FBXO11: variants seen among roughly 807,000 people sequenced by gnomAD.
FBXO11 encodes F-box only protein 11.
A neutral mutation model predicts 117.0 loss-of-function variants in FBXO11; 13 were observed. The observed-to-expected ratio is 0.11, with a 90% CI of 0.07 to 0.18. The LOEUF (loss-of-function observed/expected upper bound fraction) is 0.18. Among genes scored for constraint, FBXO11 ranks in the 10% least tolerant of loss-of-function variants. The pLI, the probability that FBXO11 is intolerant of heterozygous loss-of-function variation, is 1.00. For missense variants in FBXO11, 767 were observed against 1,164.4 expected, an observed-to-expected ratio of 0.66 and a Z score of 4.97; for synonymous variants, 490 against 380.5, an observed-to-expected ratio of 1.29 and a Z score of -3.35.
At chr2:47,854,256 C>CTTT (rs772726905) in intron 1 of FBXO11, among the ~76,000 whole-genome samples, 1 of 142,982 alleles carries the variant, frequency 7.0e-6, no homozygotes, top group East Asian at 2.0e-4. Context: ...GTCCCCAGGA[C>CTTT]TTTTTTTTTT....
At chr2:47,873,245 A>G (rs377148799) in intron 1 of FBXO11, among the ~76,000 whole-genome samples, 1 of 152,176 alleles carries the variant, frequency 6.6e-6, no homozygotes, top group Non-Finnish European at 1.5e-5. Context: ...TTTAATCAAC[A>G]TTTTAGGTTT....
At chr2:47,868,307 G>C (rs1675353815) in intron 1 of FBXO11, among the ~76,000 whole-genome samples, 1 of 150,506 alleles carries the variant, frequency 6.6e-6, no homozygotes, top group South Asian at 2.1e-4. Context: ...AAAAAAGCTG[G>C]GAATCAAGAC....
intron 1 of FBXO11, among the ~76,000 whole-genome samples, chr2:47,865,167 T>C (rs543864449): frequency 1.3e-5 from 2 of 152,326 alleles, no homozygotes; most frequent in East Asian, 3.9e-4. Flanking sequence ...CAGAACCTGA[T>C]TGTATCTTTG....
intron 1 of FBXO11, among the ~76,000 whole-genome samples, chr2:47,845,862 G>A (rs1474761248): frequency 6.6e-6 from 1 of 151,324 alleles, no homozygotes; most frequent in African/African-American, 2.4e-5. Flanking sequence ...GCCATCACTA[G>A]TGGTGGCTTA....
At chr2:47,887,262 G>T (rs1397167282) in intron 1 of FBXO11, among the ~76,000 whole-genome samples, 1 of 145,528 alleles carries the variant, frequency 6.9e-6, no homozygotes, top group Non-Finnish European at 1.5e-5. Context: ...TCCAGCCTGG[G>T]CAACAAGAGC....
chr2:47,816,170 A>C (rs1670990967), intron 16 of FBXO11, among the ~76,000 whole-genome samples: 1 of 151,940 alleles, frequency 6.6e-6, no homozygotes, highest in Non-Finnish European at 1.5e-5. Flanking sequence ...GCATAACTGC[A>C]ATTTTTTTTT....
intron 1 of FBXO11, among the ~76,000 whole-genome samples, chr2:47,872,613 C>T (rs1265122409): frequency 4.6e-5 from 7 of 152,154 alleles, no homozygotes; most frequent in Admixed American, 2.0e-4. Context: ...CGTGAGCCAC[C>T]GTGCCTGGCC....
At chr2:47,855,639 G>A (rs1212417603) in intron 1 of FBXO11, among the ~76,000 whole-genome samples, 3 of 152,030 alleles carry the variant, frequency 2.0e-5, no homozygotes, top group Non-Finnish European at 4.4e-5. Flanking sequence ...TTCGAGACCA[G>A]CCTGACCAAC....
At chr2:47,883,810 C>T (rs1676614935) in intron 1 of FBXO11, 1 of 223,798 alleles carries the variant, frequency 4.5e-6, no homozygotes. Context: ...TCGGGAGTGC[C>T]CTTCAGATGA....
chr2:47,900,914 A>G (rs572551058), intron 1 of FBXO11, among the ~76,000 whole-genome samples: 9 of 145,286 alleles, frequency 6.2e-5, no homozygotes, highest in Non-Finnish European at 7.6e-5. Flanking sequence ...ATATATATGT[A>G]TATATATACA....
chr2:47,826,697 T>C lies in FBXO11; in HGVS notation c.1399-3337A>G, dbSNP rs541531890. On this transcript the variant is annotated intron_variant, in intron 11 of 22. Coordinates refer to ENST00000403359, the MANE Select transcript of FBXO11 (RefSeq NM_001190274.2). The stretch of plus-strand genomic sequence containing the variant: ...TGCTGCACAATTTTTTGGATTTTTT[T>C]CTCCTTTGCTTAGCTTTCTAGTGAC... Among the ~76,000 whole-genome samples, 8 of 152,272 alleles carry C rather than the reference T, an allele frequency of 5.3e-5. No individual in the cohort carries two copies. In the East Asian group the frequency reaches 9.7e-4, roughly 18 times the overall value.
intron 7 of FBXO11, among the ~76,000 whole-genome samples, 193 bp downstream of exon 7, chr2:47,834,386 G>A (rs192655570): frequency 6.6e-6 from 1 of 151,920 alleles, no homozygotes; most frequent in Non-Finnish European, 1.5e-5. Context: ...CGGGGAGAAA[G>A]AATTTATATA....
At chr2:47,904,937 G>A (rs1255864223) in intron 1 of FBXO11, among the ~76,000 whole-genome samples, 1 of 151,926 alleles carries the variant, frequency 6.6e-6, no homozygotes, top group Non-Finnish European at 1.5e-5. Flanking sequence ...CGGGGGGGCG[G>A]GGGAAACAAG....
chr2:47,863,886 A>G (rs1370240144), intron 1 of FBXO11, among the ~76,000 whole-genome samples: 1 of 151,878 alleles, frequency 6.6e-6, no homozygotes, highest in East Asian at 1.9e-4. Context: ...GGTTGCAGTG[A>G]GCCAAGATTG....
At chr2:47,856,296 A>G (rs1224539211) in intron 1 of FBXO11, among the ~76,000 whole-genome samples, 1 of 152,226 alleles carries the variant, frequency 6.6e-6, no homozygotes, top group Non-Finnish European at 1.5e-5. Context: ...TCTTCTCCAC[A>G]ATCTTTCTTA....
chr2:47,900,829 C>G (rs545608043), intron 1 of FBXO11, among the ~76,000 whole-genome samples: 20 of 75,242 alleles, frequency 2.7e-4, no homozygotes, highest in African/African-American at 9.0e-4. Context: ...TATATATATA[C>G]ACGTATACAC....
At chr2:47,879,278 T>C (rs188702429) in intron 1 of FBXO11, among the ~76,000 whole-genome samples, 1 of 152,234 alleles carries the variant, frequency 6.6e-6, no homozygotes. Context: ...AAGTATAAGA[T>C]AAATTTCAGA....
At chr2:47,855,012 C>T (rs1306652177) in intron 1 of FBXO11, among the ~76,000 whole-genome samples, 1 of 151,536 alleles carries the variant, frequency 6.6e-6, no homozygotes, top group Non-Finnish European at 1.5e-5. Context: ...TAGAAAAAGG[C>T]CTGGATTAGG....
intron 19 of FBXO11, 64 bp downstream of exon 19, chr2:47,810,252 T>C: frequency 3.8e-6 from 4 of 1,059,592 alleles, no homozygotes; most frequent in Non-Finnish European, 5.5e-6. Context: ...AAAATGAATA[T>C]ACTCCACATC....
Sources: gnomAD v4.1 joint callset for allele counts (sites outside exome capture counted in the v4.1 genomes callset) on GRCh38, gnomAD v4.1.1 for gene constraint, MANE v1.5 for transcripts, NCBI Gene and HGNC (gene_info 2026-07-23, HGNC 2026-07-21) for gene names.